MYH9: variants seen among roughly 807,000 people sequenced by gnomAD.
MYH9 encodes myosin heavy chain 9, also known as myosin-9.
Under a neutral mutation model 241.9 loss-of-function variants are expected in MYH9, and 29 were observed. The observed-to-expected ratio is 0.12, with a 90% confidence interval of 0.09 to 0.16. The LOEUF is 0.16. Ranked by LOEUF, MYH9 falls within the 10% of genes least tolerant of loss-of-function variation. MYH9 has a pLI of 1.00. For synonymous variants in MYH9, 1,047 were observed against 1,062.6 expected (o/e 0.99, Z 0.29); for missense variants, 1,803 against 2,595.5 (o/e 0.69, Z 6.63).
At chr22:36,286,610 A>G (rs2016585357) in intron 35 of MYH9, 108 bp downstream of exon 35, 5 of 1,523,750 alleles carry the variant, frequency 3.3e-6, no homozygotes, top group Non-Finnish European at 3.6e-6. Context: ...TCCCCAGCCA[A>G]TTCCTGGAGC....
intron 1 of MYH9, among the ~76,000 whole-genome samples, chr22:36,384,603 AAAAAAAAAATATAT>A (rs2018312228): frequency 2.1e-5 from 1 of 47,178 alleles, no homozygotes; most frequent in Non-Finnish European, 4.2e-5. Flanking sequence ...AAAAAAAAAA[AAAAAAAAAATATAT>A]ATATATATAT....
intron 3 of MYH9, among the ~76,000 whole-genome samples, chr22:36,340,572 A>C (rs1482936077): frequency 6.6e-6 from 1 of 151,998 alleles, no homozygotes; most frequent in African/African-American, 2.4e-5. Flanking sequence ...GAGGCAAGAG[A>C]ATCGCTTGAG....
chr22:36,380,612 G>A (rs1306155772), intron 1 of MYH9, among the ~76,000 whole-genome samples: 2 of 152,134 alleles, frequency 1.3e-5, no homozygotes, highest in East Asian at 3.9e-4. Flanking sequence ...GTGGTGACAG[G>A]TGCCTATAAT....
At chr22:36,283,542 A>G (rs1341056971) in intron 40 of MYH9, among the ~76,000 whole-genome samples, 1 of 151,356 alleles carries the variant, frequency 6.6e-6, no homozygotes, top group Admixed American at 6.6e-5. Flanking sequence ...CGTCTCAAAA[A>G]AAAAAAACAA....
At position 36,305,610 on chromosome 22, in the gene MYH9, G is replaced by A. The variant is rs1273622046; in HGVS notation, c.2159+320C>T. 1.3e-5 allele frequency among the ~76,000 whole-genome samples: 2 copies of A among 152,184 alleles called. No individual in the cohort carries two copies. The highest frequency in any genetic ancestry group is 6.5e-5 in the Admixed American group (1 of 15,272). On this transcript the variant is annotated intron_variant, in intron 17 of 40. Transcript: ENST00000216181. This position sits in a 1 kb window ranked among gnomAD's most constrained non-coding sequence, Gnocchi z 4.7. ...TCCACAAAGTTCCTGTAATATCCTAGGTCTCTGGCTGATTCTTTTACATTT... is the reference window on the plus strand; with the variant it reads ...TCCACAAAGTTCCTGTAATATCCTAAGTCTCTGGCTGATTCTTTTACATTT...
chr22:36,302,667 G>A lies in MYH9; in HGVS notation c.2400C>T (p.Ala800=), dbSNP rs751375350. ...CRGYLARKAF[A]KRQQQLTAMK... ...TGGCGGTAAGCTGCTGCTGCCGCTT[G>A]GCAAATGCTCTGTGTGGTGAGGAAC... Residue 800 remains alanine, a synonymous_variant, in exon 20 of 41, where the codon GCC becomes GCT. Coordinates refer to ENST00000216181, the MANE Select transcript of MYH9 (RefSeq NM_002473.6). 7.6e-5 allele frequency: 123 copies of A among 1,613,096 alleles called. No individual in the cohort carries two copies. The highest frequency in any genetic ancestry group is 9.5e-5 in the Non-Finnish European group (112 of 1,179,724).
At position 36,299,077 on chromosome 22, in the gene MYH9, G is replaced by T. The variant is rs16996650; in HGVS notation, c.2977-35C>A. ...GGGGAGTAGGCTGGCATTTAGTGTT[G>T]GTTGAGCACAGAACACTTGCTAGCC... On this transcript the variant is annotated intron_variant, in intron 23 of 40. Coordinates refer to ENST00000216181, the MANE Select transcript of MYH9 (RefSeq NM_002473.6). 7 of 1,613,098 alleles carry T rather than the reference G, an allele frequency of 4.3e-6. 1 individual carries two copies. The highest frequency in any genetic ancestry group is 3.3e-4 in the Middle Eastern group (2 of 6,076).
chr22:36,291,624 C>CT (rs201567681), intron 31 of MYH9, among the ~76,000 whole-genome samples: 2,027 of 149,526 alleles, frequency 0.014, 49 homozygotes, highest in African/African-American at 0.046. Context: ...CACTATTGTC[C>CT]TATGACCCTG....
At chr22:36,366,189 AAAAT>A (rs1190032022) in intron 1 of MYH9, among the ~76,000 whole-genome samples, 1 of 152,148 alleles carries the variant, frequency 6.6e-6, no homozygotes, top group Non-Finnish European at 1.5e-5. Flanking sequence ...CTCCATCTCA[AAAAT>A]AAATAAATAA....
chr22:36,297,003 T>C lies in MYH9; in HGVS notation c.3112A>G (p.Arg1038Gly), dbSNP rs2049664923. The C allele has an allele frequency of 6.2e-7, 1 of 1,613,994 alleles. No individual in the cohort carries two copies. Among genetic ancestry groups the C allele is most frequent in the Non-Finnish European group, 8.5e-7 (1 of 1,180,028 alleles). The change falls in exon 25 of 41, where the codon AGG (arginine) becomes GGG (glycine). Residue 1038 changes from arginine to glycine, a missense_variant. Around this residue, in one of 11 missense-constraint regions of MYH9, gnomAD observed 290 missense variants for 360.5 expected, o/e 0.80. Transcript: ENST00000216181. ...MITDLEERLR[R>G]EEKQRQELEK... is the part of the protein sequence containing the mutation. The stretch of plus-strand genomic sequence containing the variant: ...AGCTCCTGTCGCTGCTTCTCCTCCC[T>C]GCGGAGGCGCTCTGCAATGCAGGGG...
Position 36,293,816 on chromosome 22 carries a change from C to A in MYH9, c.3885G>T (p.Lys1295Asn), listed in dbSNP as rs750947814. The A allele has an allele frequency of 3.1e-6, 5 of 1,613,850 alleles. No homozygotes were observed. The highest frequency in any genetic ancestry group is 1.3e-5 in the African/African-American group (1 of 74,916). The change falls in exon 29 of 41, where the codon AAG becomes AAT. Residue 1295 changes from lysine to asparagine, a missense_variant. Physicochemically the swap from Lys to Asn is moderately conservative, Grantham distance 94. Around this residue, in one of 11 missense-constraint regions of MYH9, gnomAD observed 876 missense variants for 1,077.8 expected, o/e 0.81. Transcript: ENST00000216181. The surrounding 1 kb of genome is among the most constrained non-coding windows in gnomAD (Gnocchi z 5.1). ...AGAAGTCCTTGGTGAGCTTGCTGGA[C>A]TTGCTGTCGGACTGGCTGAGAAGCC... is the stretch of plus-strand genomic sequence containing the variant. ...VTGLLSQSDS[K>N]SSKLTKDFSA... is the part of the protein sequence containing the mutation.
chr22:36,344,370 G>C (rs2017640496), intron 2 of MYH9, among the ~76,000 whole-genome samples: 1 of 152,168 alleles, frequency 6.6e-6, no homozygotes, highest in East Asian at 1.9e-4. Flanking sequence ...CACAATGCTG[G>C]GCAAACAGGC....
In MYH9 at chr22:36,285,661, C is replaced by T. The variant is rs886057478; in HGVS notation, c.5271G>A (p.Leu1757=). The T allele has an allele frequency of 2.5e-6, 4 of 1,612,342 alleles. No individual in the cohort carries two copies. The highest frequency in any genetic ancestry group is 3.3e-5 in the Admixed American group (2 of 60,028). ...TGGGAGAAGTCCTGGCACCCACCTGCAGGTTGGCCTTCTTCAGCCGGTCGT... is the reference window on the plus strand; with the variant it reads ...TGGGAGAAGTCCTGGCACCCACCTGTAGGTTGGCCTTCTTCAGCCGGTCGT... ...LINDRLKKAN[L]QIDQINTDLN... The change falls in exon 37 of 41, where the codon CTG becomes CTA. Residue 1757 remains leucine (L), a synonymous_variant. Coordinates refer to ENST00000216181, the MANE Select transcript of MYH9 (RefSeq NM_002473.6). The surrounding 1 kb of genome is among the most constrained non-coding windows in gnomAD (Gnocchi z 7.0).
At chr22:36,325,521 C>T (rs2017321940) in intron 5 of MYH9, among the ~76,000 whole-genome samples, 2 of 152,222 alleles carry the variant, frequency 1.3e-5, no homozygotes, top group African/African-American at 4.8e-5. Context: ...GAGCATCCCA[C>T]AGCCATGCTT....
intron 2 of MYH9, among the ~76,000 whole-genome samples, chr22:36,345,559 T>C (rs1283302360): frequency 6.6e-6 from 1 of 152,134 alleles, no homozygotes; most frequent in Non-Finnish European, 1.5e-5. Context: ...TCCCAGACAG[T>C]GAGGCTGCAG....
At chr22:36,349,399 T>C (rs2017732304) in intron 1 of MYH9, 144 bp from the exon 2 acceptor site, 1 of 697,698 alleles carries the variant, frequency 1.4e-6, no homozygotes, top group Non-Finnish European at 2.4e-6. Context: ...ACAACTTTCT[T>C]GCTCCACACT....
rs138091709 is a variant in MYH9 at position 36,320,725 on chromosome 22, G to A, written c.868+73C>T. 77 of 1,313,582 alleles carry A rather than the reference G, an allele frequency of 5.9e-5. No individual in the cohort carries two copies. In the African/African-American group the frequency reaches 8.8e-4, roughly 15 times the overall value. 81.4% of individuals were successfully genotyped at this position (1,313,582 alleles called of 1,614,324 possible). On this transcript the variant is annotated intron_variant, in intron 8 of 40. Coordinates refer to ENST00000216181, the MANE Select transcript of MYH9 (RefSeq NM_002473.6). This position sits in a 1 kb window ranked among gnomAD's most constrained non-coding sequence, Gnocchi z 4.8. The stretch of plus-strand genomic sequence containing the variant: ...CAAAAGTTTTCATTTCCCAAATGAT[G>A]TCTACGGTCCAATTCTGGCAAGAGG...
rs997020199 is a variant in MYH9 at position 36,329,449 on chromosome 22, G to T, written c.491-1961C>A. 3.3e-5 allele frequency among the ~76,000 whole-genome samples: 5 copies of T among 152,000 alleles called. No homozygotes were observed. The highest frequency in any genetic ancestry group is 2.9e-5 in the Non-Finnish European group (2 of 67,980). ...CAGTGTGGCAACCGATAAGGGTTTGGAACAAACATTTTTGTCATCCCAGCC... is the reference window on the plus strand; with the variant it reads ...CAGTGTGGCAACCGATAAGGGTTTGTAACAAACATTTTTGTCATCCCAGCC... On this transcript the variant is annotated intron_variant, in intron 3 of 40. Coordinates refer to ENST00000216181, the MANE Select transcript of MYH9 (RefSeq NM_002473.6). The surrounding 1 kb of genome is among the most constrained non-coding windows in gnomAD (Gnocchi z 4.1).
intron 1 of MYH9, among the ~76,000 whole-genome samples, chr22:36,371,269 G>A (rs143372961): frequency 6.6e-6 from 1 of 152,292 alleles, no homozygotes; most frequent in East Asian, 1.9e-4. Context: ...TTAAAATGAG[G>A]TCCTTCGGGT....
Sources: gnomAD v4.1 joint callset for allele counts (sites outside exome capture counted in the v4.1 genomes callset) on GRCh38, gnomAD v4.1.1 for gene constraint, gnomAD v4.1.1 regional missense constraint, Gnocchi (gnomAD v3.1) non-coding constraint, MANE v1.5 for transcripts, NCBI Gene and HGNC (gene_info 2026-07-23, HGNC 2026-07-21) for gene names.